Variants in FKBP6 observed in about 807,000 individuals in gnomAD.
FKBP6 encodes inactive peptidyl-prolyl cis-trans isomerase FKBP6.
A neutral mutation model predicts 41.7 loss-of-function variants in FKBP6; 29 were observed. That is an observed-to-expected ratio of 0.70 (90% CI 0.52 to 0.95). The LOEUF is 0.95. Among genes scored for constraint, FKBP6 ranks in the 40% least tolerant of loss-of-function variants. The pLI, the probability that FKBP6 is intolerant of heterozygous loss-of-function variation, is 0.00. For missense variants in FKBP6, 338 were observed against 408.7 expected, an observed-to-expected ratio of 0.83 and a Z score of 1.49; for synonymous variants, 130 against 165.1, an observed-to-expected ratio of 0.79 and a Z score of 1.63.
At position 73,341,322 on chromosome 7, in the gene FKBP6, G is replaced by T; in HGVS notation, c.833G>T (p.Arg278Leu). The T allele has an allele frequency of 6.2e-7, 1 of 1,613,808 alleles. No individual in the cohort carries two copies. Among genetic ancestry groups the T allele is most frequent in the Non-Finnish European group, 8.5e-7 (1 of 1,179,774 alleles). ...CAAAAGGCCCGGGATTTTCTAGTTCGAGCCCAGAAGGAGCAACCCTTCAAT... is the reference window on the plus strand; with the variant it reads ...CAAAAGGCCCGGGATTTTCTAGTTCTAGCCCAGAAGGAGCAACCCTTCAAT... ...EYQKARDFLVRAQKEQPFNHD... is the reference protein window; with the variant it reads ...EYQKARDFLVLAQKEQPFNHD... Residue 278 changes from arginine to leucine, a missense_variant, in exon 7 of 9, where the codon CGA becomes CTA. Physicochemically the swap from Arg to Leu is moderately radical, Grantham distance 102. Transcript: ENST00000252037.
chr7:73,328,936 A>G (rs1411680205), intron 2 of FKBP6, among the ~76,000 whole-genome samples: 2 of 151,788 alleles, frequency 1.3e-5, no homozygotes, highest in Non-Finnish European at 2.9e-5. Flanking sequence ...CCTCCCAAAT[A>G]AGGGATTTAC....
intron 5 of FKBP6, among the ~76,000 whole-genome samples, chr7:73,334,620 C>A (rs910317661): frequency 3.9e-5 from 6 of 152,098 alleles, no homozygotes; most frequent in Non-Finnish European, 1.5e-5. Flanking sequence ...CCCATCTCTA[C>A]AAAAAATAAA....
chr7:73,334,967 C>T (rs1030683422), intron 5 of FKBP6, among the ~76,000 whole-genome samples: 29 of 152,106 alleles, frequency 1.9e-4, no homozygotes, highest in Non-Finnish European at 2.5e-4. Flanking sequence ...TGAGTTCTAG[C>T]AGCAGAAGGG....
intron 8 of FKBP6, among the ~76,000 whole-genome samples, chr7:73,349,546 C>CAA (rs1175280907): frequency 8.6e-4 from 42 of 48,676 alleles, no homozygotes; most frequent in African/African-American, 1.9e-3. Flanking sequence ...TACTAAAATA[C>CAA]AAAAAAAAAA....
chr7:73,348,181 T>A (rs957590617), intron 8 of FKBP6, among the ~76,000 whole-genome samples: 8 of 152,180 alleles, frequency 5.3e-5, no homozygotes, highest in African/African-American at 1.2e-4. Context: ...TAAAATCTTT[T>A]TTTTCTCCCT....
In FKBP6 at chr7:73,328,236, G is replaced by C; in HGVS notation, c.-193G>C. 3.2e-6 allele frequency: 5 copies of C among 1,549,112 alleles called. No individual in the cohort carries two copies. Among genetic ancestry groups the C allele is most frequent in the Non-Finnish European group, 4.4e-6 (5 of 1,146,622 alleles). ...TGGCCTCTGTAGTTCCAGAGCTCGC[G>C]AGGGCCAGGGCCGTTGGCGGCGGTT... On this transcript the variant is annotated 5_prime_UTR_variant, in exon 1 of 9. Transcript: ENST00000252037.
chr7:73,341,664 C>CTTT (rs5884907), intron 7 of FKBP6, among the ~76,000 whole-genome samples: 4 of 134,282 alleles, frequency 3.0e-5, no homozygotes, highest in Non-Finnish European at 3.2e-5. Context: ...GAGGGTGTCA[C>CTTT]TTTTTTTTTT....
intron 7 of FKBP6, among the ~76,000 whole-genome samples, chr7:73,342,180 AG>A (rs1372080881): frequency 6.6e-6 from 1 of 152,162 alleles, no homozygotes; most frequent in African/African-American, 2.4e-5. Flanking sequence ...TTCTCATTAT[AG>A]AAGTTTTGTG....
chr7:73,329,518 C>T (rs1554547179), intron 3 of FKBP6, 69 bp downstream of exon 3: 1 of 949,178 alleles, frequency 1.1e-6, no homozygotes, highest in Admixed American at 1.7e-5. Context: ...ATGCCTCAGG[C>T]TGGGAAGACT....
chr7:73,347,741 C>G (rs993829235), intron 8 of FKBP6, among the ~76,000 whole-genome samples: 47 of 152,308 alleles, frequency 3.1e-4, no homozygotes, highest in African/African-American at 1.1e-3. Context: ...ACTTCCCAGG[C>G]TCTAGCAATT....
At chr7:73,333,375 TCTC>T (rs1248926679) in intron 5 of FKBP6, among the ~76,000 whole-genome samples, 16 of 152,120 alleles carry the variant, frequency 1.1e-4, no homozygotes, top group Admixed American at 6.5e-4. Flanking sequence ...TATTCCCCCT[TCTC>T]CTAACAGAAC....
At chr7:73,331,856 GTGATTTTTGTTTTGTTT>G in intron 5 of FKBP6, 80 bp downstream of exon 5, 1 of 1,480,826 alleles carries the variant, frequency 6.8e-7, no homozygotes. Flanking sequence ...TTGTTTTGTT[GTGATTTTTGTTTTGTTT>G]TGTTTTTGAG....
intron 5 of FKBP6, among the ~76,000 whole-genome samples, chr7:73,334,336 C>T (rs1369932773): frequency 6.6e-6 from 1 of 152,146 alleles, no homozygotes; most frequent in Non-Finnish European, 1.5e-5. Context: ...CCTCTGCCCT[C>T]TTTGTCTGGA....
chr7:73,338,641 T>C (rs1220333306), intron 5 of FKBP6, among the ~76,000 whole-genome samples: 2 of 152,240 alleles, frequency 1.3e-5, no homozygotes, highest in East Asian at 3.8e-4. Context: ...CCAACACTTA[T>C]TTTATATTTT....
In FKBP6 at chr7:73,348,654, C is replaced by G. The variant is rs185441334; in HGVS notation, c.*2+5755C>G. Among the ~76,000 whole-genome samples the G allele has an allele frequency of 1.3e-3, 195 of 152,334 alleles. 7 individuals are homozygous for G. The South Asian group carries it at 0.018, about 14-fold the overall frequency. Reference sequence around the variant, plus strand: ...TCCACAAGACTGACCCCATTTCAGACTCCAGTGACAATTCCAGGTTGTCCC... The same window carrying G: ...TCCACAAGACTGACCCCATTTCAGAGTCCAGTGACAATTCCAGGTTGTCCC... On this transcript the variant is annotated intron_variant, in intron 8 of 8. Transcript: ENST00000252037.
At chr7:73,329,540 A>G (rs1554547190) in intron 3 of FKBP6, 91 bp downstream of exon 3, 3 of 850,614 alleles carry the variant, frequency 3.5e-6, no homozygotes, top group Non-Finnish European at 6.2e-6. Context: ...CTCAGAGCGC[A>G]GGTTCTTTGA....
At chr7:73,329,752 A>T (rs1220378045) in intron 3 of FKBP6, 40 of 539,258 alleles carry the variant, frequency 7.4e-5, no homozygotes, top group Middle Eastern at 5.1e-4. Flanking sequence ...AAAAGAGAGG[A>T]TGTACTCAGA....
At chr7:73,338,291 G>T (rs922088125) in intron 5 of FKBP6, among the ~76,000 whole-genome samples, 1 of 152,214 alleles carries the variant, frequency 6.6e-6, no homozygotes, top group Non-Finnish European at 1.5e-5. Context: ...CTCCCAAAGT[G>T]CTGGGATTAC....
chr7:73,331,217 C>A (rs1264100266), intron 4 of FKBP6, among the ~76,000 whole-genome samples: 1 of 152,156 alleles, frequency 6.6e-6, no homozygotes, highest in Non-Finnish European at 1.5e-5. Context: ...GGGCCCTGAG[C>A]AAACCAAGAC....
Sources: gnomAD v4.1 joint callset for allele counts (sites outside exome capture counted in the v4.1 genomes callset) on GRCh38, gnomAD v4.1.1 for gene constraint, MANE v1.5 for transcripts, NCBI Gene and HGNC (gene_info 2026-07-23, HGNC 2026-07-21) for gene names.